Variants in GHRH observed in about 807,000 individuals in gnomAD.
GHRH encodes somatoliberin.
GHRH carries 7 observed loss-of-function variants against 15.6 expected under a neutral mutation model. That is an observed-to-expected ratio of 0.45 (90% CI 0.26 to 0.84). The LOEUF (loss-of-function observed/expected upper bound fraction) is 0.84. GHRH is among the 40% of genes least tolerant of loss of function. The pLI, the probability that GHRH is intolerant of heterozygous loss-of-function variation, is 0.18. For missense variants in GHRH, 117 were observed against 138.0 expected (o/e 0.85, Z 0.76); for synonymous variants, 54 against 50.4 (o/e 1.07, Z -0.30).
intron 1 of GHRH, among the ~76,000 whole-genome samples, chr20:37,257,795 C>T (rs1291229584): frequency 1.3e-5 from 2 of 152,224 alleles, no homozygotes; most frequent in Non-Finnish European, 2.9e-5. Context: ...AGACCTCCTA[C>T]TTCGGCTCCT....
rs1001956170 is a variant in GHRH at position 37,258,167 on chromosome 20, C to T, written c.-19-1259G>A. The stretch of plus-strand genomic sequence containing the variant: ...CAAGTGCCACTGCTGTCAGCCCAGA[C>T]CTGCCCAAGCATGGAAACACGGCTG... On this transcript the variant is annotated intron_variant, in intron 1 of 4. Transcript: ENST00000373614. This position sits in a 1 kb window ranked among gnomAD's most constrained non-coding sequence, Gnocchi z 4.1. Among the ~76,000 whole-genome samples the T allele has an allele frequency of 6.6e-6, 1 of 152,244 alleles. No individual in the cohort carries two copies. The highest frequency in any genetic ancestry group is 2.1e-4 in the South Asian group (1 of 4,836).
At chr20:37,252,410 T>C (rs1167595841) in intron 4 of GHRH, among the ~76,000 whole-genome samples, 1 of 152,168 alleles carries the variant, frequency 6.6e-6, no homozygotes, top group Non-Finnish European at 1.5e-5. Flanking sequence ...CTGGATTTGC[T>C]TAATAGCTTG....
rs183833696 is a variant in GHRH at position 37,251,284 on chromosome 20, G to C, written c.309-53C>G. 51 of 1,514,354 alleles carry C rather than the reference G, an allele frequency of 3.4e-5. No homozygotes were observed. In the African/African-American group the frequency reaches 6.5e-4, roughly 19 times the overall value. 93.8% of individuals were successfully genotyped at this position (1,514,354 alleles called of 1,614,324 possible). On this transcript the variant is annotated intron_variant, in intron 4 of 4. Transcript: ENST00000373614. Reference sequence around the variant, plus strand: ...CGGGGAATTGAAGTAAGGGTGGCTAGAGTGGGATGCATGGAACCAGGGTGA... The same window carrying C: ...CGGGGAATTGAAGTAAGGGTGGCTACAGTGGGATGCATGGAACCAGGGTGA...
chr20:37,256,976 C>CCCTG, intron 1 of GHRH, 68 bp from the exon 2 acceptor site: 1 of 981,622 alleles, frequency 1.0e-6, no homozygotes, highest in South Asian at 1.4e-5. Context: ...ACTGGCCCAG[C>CCCTG]CCTGGGCTTG....
intron 1 of GHRH, among the ~76,000 whole-genome samples, chr20:37,259,194 C>T (rs2146752317): frequency 6.6e-6 from 1 of 152,290 alleles, no homozygotes; most frequent in African/African-American, 2.4e-5. Flanking sequence ...GGCTGTGTAA[C>T]ATCCGCCTGC....
chr20:37,260,324 A>G (rs1012742287), intron 1 of GHRH, among the ~76,000 whole-genome samples: 5 of 152,124 alleles, frequency 3.3e-5, no homozygotes, highest in Non-Finnish European at 7.4e-5. Context: ...GTAGGGTAAG[A>G]TAAGAAGAAT....
chr20:37,259,516 C>T (rs1223112810), intron 1 of GHRH, among the ~76,000 whole-genome samples: 1 of 152,172 alleles, frequency 6.6e-6, no homozygotes, highest in Non-Finnish European at 1.5e-5. Context: ...TCAGGCAGAT[C>T]TAGGTCCCCA....
In GHRH at chr20:37,258,586, C is replaced by A. The variant is rs2068671125; in HGVS notation, c.-19-1678G>T. Reference sequence around the variant, plus strand: ...TGCAGAGCTGGAGGGAGCAGCAGCCCAGGCCTCAGTGGTCAGCCCCTCCCT... The same window carrying A: ...TGCAGAGCTGGAGGGAGCAGCAGCCAAGGCCTCAGTGGTCAGCCCCTCCCT... On this transcript the variant is annotated intron_variant, in intron 1 of 4. Transcript: ENST00000373614. This position sits in a 1 kb window ranked among gnomAD's most constrained non-coding sequence, Gnocchi z 4.1. Among the ~76,000 whole-genome samples the A allele has an allele frequency of 6.6e-6, 1 of 152,294 alleles. No homozygotes were observed. The highest frequency in any genetic ancestry group is 6.5e-5 in the Admixed American group (1 of 15,306).
Position 37,251,145 on chromosome 20 carries a change from G to T in GHRH, c.*68C>A. On this transcript the variant is annotated 3_prime_UTR_variant, in exon 5 of 5. Transcript: ENST00000373614. ...TATTTTCAAAGGAAAAAGTGGGTCA[G>T]AAATGAGAGGATTAACTGGATCCAG... The T allele has an allele frequency of 8.7e-7, 1 of 1,155,404 alleles. No homozygotes were observed. Among genetic ancestry groups the T allele is most frequent in the Non-Finnish European group, 1.3e-6 (1 of 796,230 alleles). The allele number at this position is 1,155,404 out of a possible 1,614,324, so 71.6% of individuals were successfully genotyped here.
At chr20:37,255,827 C>T (rs948827855) in intron 3 of GHRH, among the ~76,000 whole-genome samples, 6 of 151,938 alleles carry the variant, frequency 3.9e-5, no homozygotes, top group Admixed American at 6.6e-5. Flanking sequence ...GCCAGGAGTT[C>T]GAGACCAGCC....
At chr20:37,261,522 G>A (rs1022795846) in intron 1 of GHRH, among the ~76,000 whole-genome samples, 5 of 152,132 alleles carry the variant, frequency 3.3e-5, no homozygotes, top group East Asian at 1.9e-4. Context: ...AGTCCGCCAC[G>A]CGCCCAAGTT....
chr20:37,252,141 T>A (rs1600869323), intron 4 of GHRH, among the ~76,000 whole-genome samples: 1 of 152,220 alleles, frequency 6.6e-6, no homozygotes, highest in East Asian at 1.9e-4. Flanking sequence ...TTTTGAACTC[T>A]TGTCTTGCGG....
chr20:37,258,844 A>G lies in GHRH; in HGVS notation c.-19-1936T>C, dbSNP rs567015405. On this transcript the variant is annotated intron_variant, in intron 1 of 4. Coordinates refer to ENST00000373614, the MANE Select transcript of GHRH (RefSeq NM_021081.6). The surrounding 1 kb of genome is among the most constrained non-coding windows in gnomAD (Gnocchi z 4.1). ...AGCCTCAAACTCCTGGGCTCAAGCA[A>G]TCCTCCTGCCTCAGCCTCCTGAGTA... Among the ~76,000 whole-genome samples, 16 of 152,254 alleles carry G rather than the reference A, an allele frequency of 1.1e-4. No homozygotes were observed. The South Asian group carries it at 2.3e-3, about 22-fold the overall frequency.
At chr20:37,256,763 G>C in intron 2 of GHRH, 44 bp downstream of exon 2, 1 of 1,460,648 alleles carries the variant, frequency 6.8e-7, no homozygotes, top group Non-Finnish European at 9.5e-7. Flanking sequence ...CCCATGGCAG[G>C]GATGGCTTGG....
At position 37,252,110 on chromosome 20, in the gene GHRH, CCTT is replaced by C. The variant is rs1194232915; in HGVS notation, c.309-882_309-880del. On this transcript the variant is annotated intron_variant, in intron 4 of 4. Coordinates refer to ENST00000373614, the MANE Select transcript of GHRH (RefSeq NM_021081.6). ...CCCAGCCTGCAAGGCACAGAGGAGG[CCTT>C]CTTCTTAGAGACATTATTTTTGAAC... Among the ~76,000 whole-genome samples the C allele has an allele frequency of 7.2e-5, 11 of 152,332 alleles. No individual in the cohort carries two copies. In the South Asian group the frequency reaches 1.5e-3, roughly 20 times the overall value.
At chr20:37,252,893 G>A (rs1341628728) in intron 4 of GHRH, among the ~76,000 whole-genome samples, 1 of 152,178 alleles carries the variant, frequency 6.6e-6, no homozygotes, top group African/African-American at 2.4e-5. Flanking sequence ...ACAAAAATCA[G>A]CCAGGCATGG....
At chr20:37,256,691 G>T in intron 2 of GHRH, 116 bp downstream of exon 2, 1 of 842,548 alleles carries the variant, frequency 1.2e-6, no homozygotes, top group Non-Finnish European at 1.9e-6. Context: ...GGCAGTGGGT[G>T]CTGCCTGGAG....
At chr20:37,259,988 C>T (rs1179267148) in intron 1 of GHRH, among the ~76,000 whole-genome samples, 1 of 152,168 alleles carries the variant, frequency 6.6e-6, no homozygotes, top group Non-Finnish European at 1.5e-5. Context: ...TGTTGTTGGG[C>T]CTCTGGGGAA....
chr20:37,251,389 G>A (rs1391147315), intron 4 of GHRH, among the ~76,000 whole-genome samples, 158 bp from the exon 5 acceptor site: 2 of 152,090 alleles, frequency 1.3e-5, no homozygotes, highest in Non-Finnish European at 2.9e-5. Context: ...GCGCAAGCAT[G>A]CCAGCAAGGC....
Sources: gnomAD v4.1 joint callset for allele counts (sites outside exome capture counted in the v4.1 genomes callset) on GRCh38, gnomAD v4.1.1 for gene constraint, Gnocchi (gnomAD v3.1) non-coding constraint, MANE v1.5 for transcripts, NCBI Gene and HGNC (gene_info 2026-07-23, HGNC 2026-07-21) for gene names.